ADCY1: variants seen among roughly 807,000 people sequenced by gnomAD.
ADCY1 encodes the protein adenylate cyclase 1.
In ADCY1, 28 loss-of-function variants were observed where a neutral mutation model predicts 105.4. The ratio of observed to expected loss-of-function variants is 0.27; its 90% CI spans 0.20 to 0.36. The LOEUF is 0.36. Among genes scored for constraint, ADCY1 ranks in the 10% least tolerant of loss-of-function variants. ADCY1 has a pLI of 1.00. For synonymous variants in ADCY1, 655 were observed against 623.8 expected, an observed-to-expected ratio of 1.05 and a Z score of -0.75; for missense variants, 977 against 1,434.2, an observed-to-expected ratio of 0.68 and a Z score of 5.15.
intron 14 of ADCY1, among the ~76,000 whole-genome samples, chr7:45,702,018 AC>A (rs1304351376): frequency 1.3e-5 from 2 of 152,302 alleles, no homozygotes; most frequent in South Asian, 4.1e-4. Flanking sequence ...ACACACTTGC[AC>A]CAGGCCTGCC....
In ADCY1 at chr7:45,716,950, A is replaced by G. The variant is rs1365337597; in HGVS notation, c.*2955A>G. On this transcript the variant is annotated 3_prime_UTR_variant, in exon 20 of 20. Coordinates refer to ENST00000297323, the MANE Select transcript of ADCY1 (RefSeq NM_021116.4). ...TCCACAACCCCAGCGCCAGTCAGCA[A>G]GGAAGCCGGGTGTCGCTCACACAAC... is the stretch of plus-strand genomic sequence containing the variant. 1 of 152,514 alleles carries G rather than the reference A, an allele frequency of 6.6e-6. No individual in the cohort carries two copies. The highest frequency in any genetic ancestry group is 1.5e-5 in the Non-Finnish European group (1 of 68,248). The allele number at this position is 152,514 out of a possible 1,614,324, so 9.4% of individuals were successfully genotyped here. A position where few individuals can be genotyped will look rare whatever the true frequency, so the allele number is the denominator to read the frequency against.
intron 3 of ADCY1, among the ~76,000 whole-genome samples, chr7:45,610,864 A>AGG (rs1793550218): frequency 5.3e-5 from 5 of 95,150 alleles, no homozygotes; most frequent in Admixed American, 1.0e-4. Context: ...AGTTGTGGAG[A>AGG]TGATGGTGGA....
At chr7:45,641,788 C>T (rs994724370) in intron 4 of ADCY1, among the ~76,000 whole-genome samples, 3 of 143,612 alleles carry the variant, frequency 2.1e-5, no homozygotes, top group East Asian at 2.1e-4. Flanking sequence ...TAGCCAGGCG[C>T]GGTGGCGGGC....
chr7:45,711,923 A>ATATTATATTAAATATATAAATATATT (rs1785253821), intron 19 of ADCY1, among the ~76,000 whole-genome samples: 1 of 122,470 alleles, frequency 8.2e-6, no homozygotes, highest in Non-Finnish European at 1.6e-5. Flanking sequence ...AATATATTAT[A>ATATTATATTAAATATATAAATATATT]TATTATATTA....
chr7:45,616,809 G>T (rs1386581325), intron 3 of ADCY1, among the ~76,000 whole-genome samples: 1 of 152,170 alleles, frequency 6.6e-6, no homozygotes, highest in East Asian at 1.9e-4. Flanking sequence ...TGGAAGTCCT[G>T]CCCAGAGCAA....
intron 14 of ADCY1, among the ~76,000 whole-genome samples, chr7:45,697,495 A>T (rs757943181): frequency 1.4e-4 from 20 of 145,096 alleles, no homozygotes; most frequent in Middle Eastern, 8.3e-3. Context: ...GGTTCAAGTG[A>T]TTCTCCTGCC....
intron 1 of ADCY1, among the ~76,000 whole-genome samples, chr7:45,580,415 C>G (rs1035481160): frequency 2.6e-5 from 4 of 152,218 alleles, no homozygotes; most frequent in Admixed American, 6.5e-5. Context: ...CCTCTCTGCT[C>G]TGGTTCCCAT....
At position 45,713,874 on chromosome 7, in the gene ADCY1, C is replaced by G; in HGVS notation, c.3239C>G (p.Ala1080Gly). Residue 1080 changes from alanine to glycine, a missense_variant, in exon 20 of 20, where the codon GCT (alanine) becomes GGT (glycine). Around this residue, in one of 7 missense-constraint regions of ADCY1, gnomAD observed 78 missense variants for 60.0 expected, o/e 1.30. Transcript: ENST00000297323. Reference protein sequence around the residue: ...LDRKMCPFGRAGLQGRRPPVC... With the variant: ...LDRKMCPFGRGGLQGRRPPVC... ...CGGAAAATGTGTCCATTTGGGAGAGCTGGCCTTCAGGGCAGACGTCCCCCC... is the reference window on the plus strand; with the variant it reads ...CGGAAAATGTGTCCATTTGGGAGAGGTGGCCTTCAGGGCAGACGTCCCCCC... The G allele has an allele frequency of 1.3e-6, 1 of 780,808 alleles. No individual in the cohort carries two copies. The allele number at this position is 780,808 out of a possible 1,614,324, so 48.4% of individuals were successfully genotyped here. A position where few individuals can be genotyped will look rare whatever the true frequency, so the allele number is the denominator to read the frequency against.
intron 1 of ADCY1, among the ~76,000 whole-genome samples, chr7:45,576,077 G>A (rs113821653): frequency 3.3e-5 from 5 of 152,202 alleles, no homozygotes; most frequent in African/African-American, 1.2e-4. Flanking sequence ...GGAAGACCCT[G>A]AGGAGGGTTT....
intron 2 of ADCY1, among the ~76,000 whole-genome samples, chr7:45,593,225 C>T (rs575504223): frequency 6.6e-6 from 1 of 152,304 alleles, no homozygotes; most frequent in African/African-American, 2.4e-5. Flanking sequence ...CCTGGCTGGG[C>T]CTCGGATGAA....
rs548725575 is a variant in ADCY1 at position 45,673,012 on chromosome 7, C to CATGA, written c.1606-4853_1606-4850dup. Among the ~76,000 whole-genome samples, 396 of 152,258 alleles carry CATGA rather than the reference C, an allele frequency of 2.6e-3. 4 individuals carry two copies. The highest frequency in any genetic ancestry group is 8.7e-3 in the African/African-American group (361 of 41,566). ...TTCCTAGTTTTCTGATAATTTTTAT[C>CATGA]ATGAATGGGTATTGAATTTTGTCAA... On this transcript the variant is annotated intron_variant, in intron 8 of 19. Coordinates refer to ENST00000297323, the MANE Select transcript of ADCY1 (RefSeq NM_021116.4).
chr7:45,704,584 G>T lies in ADCY1; in HGVS notation c.2785G>T (p.Ala929Ser), dbSNP rs1218127395. The T allele has an allele frequency of 6.2e-7, 1 of 1,614,184 alleles. No individual in the cohort carries two copies. Among genetic ancestry groups the T allele is most frequent in the Non-Finnish European group, 8.5e-7 (1 of 1,180,018 alleles). The change falls in exon 17 of 20, where the codon GCT becomes TCT. Residue 929 changes from alanine to serine, a missense_variant. Coordinates refer to ENST00000297323, the MANE Select transcript of ADCY1 (RefSeq NM_021116.4). The stretch of plus-strand genomic sequence containing the variant: ...GACCATCGGGAGCACCTACATGGCC[G>T]CTGTGGGGCTAGCGCCCACCTCGGG... ...IKTIGSTYMA[A>S]VGLAPTSGTK... is the part of the protein sequence containing the mutation.
chr7:45,610,634 ATGGTGAAGG>A, intron 3 of ADCY1, 137 bp downstream of exon 3: 1 of 706,148 alleles, frequency 1.4e-6, no homozygotes, highest in Non-Finnish European at 2.4e-6. Context: ...TGTGGAGGTA[ATGGTGAAGG>A]TGGGGAAGTG....
At chr7:45,634,042 GTGTTT>G (rs1480064285) in intron 4 of ADCY1, among the ~76,000 whole-genome samples, 1 of 152,092 alleles carries the variant, frequency 6.6e-6, no homozygotes, top group Admixed American at 6.5e-5. Context: ...CTCCTAACCT[GTGTTT>G]TGTTCAAGGG....
intron 2 of ADCY1, among the ~76,000 whole-genome samples, chr7:45,609,033 C>T (rs772703411): frequency 4.6e-5 from 7 of 152,216 alleles, no homozygotes; most frequent in Non-Finnish European, 1.0e-4. Flanking sequence ...CCAGGGGAAA[C>T]TTCAAGTGTG....
intron 19 of ADCY1, among the ~76,000 whole-genome samples, chr7:45,711,609 A>ATATATATG (rs1785231864): frequency 1.1e-4 from 1 of 8,952 alleles, no homozygotes; most frequent in African/African-American, 2.8e-4. Context: ...TTCGTGCTGT[A>ATATATATG]TATATATATA....
chr7:45,635,615 T>G (rs1482835288), intron 4 of ADCY1, among the ~76,000 whole-genome samples: 3 of 141,622 alleles, frequency 2.1e-5, no homozygotes, highest in Non-Finnish European at 3.2e-5. Flanking sequence ...TTTTTTTTTT[T>G]TTTTTTTTTT....
chr7:45,580,473 C>G (rs908161466), intron 1 of ADCY1, among the ~76,000 whole-genome samples: 1 of 152,158 alleles, frequency 6.6e-6, no homozygotes, highest in African/African-American at 2.4e-5. Context: ...GCTGGGGTAC[C>G]GGGAGAATAA....
In ADCY1 at chr7:45,577,530, C is replaced by G. The variant is rs867365107; in HGVS notation, c.639+2348C>G. Reference sequence around the variant, plus strand: ...TTACACAGCATTGATGTTTCTGCTGCTCTTCACTGCTTTACCATCCACTTT... The same window carrying G: ...TTACACAGCATTGATGTTTCTGCTGGTCTTCACTGCTTTACCATCCACTTT... On this transcript the variant is annotated intron_variant, in intron 1 of 19. Coordinates refer to ENST00000297323, the MANE Select transcript of ADCY1 (RefSeq NM_021116.4). Among the ~76,000 whole-genome samples the G allele has an allele frequency of 3.9e-5, 6 of 152,360 alleles. No homozygotes were observed. The South Asian group carries it at 1.2e-3, about 32-fold the overall frequency.
Sources: allele counts gnomAD v4.1 joint callset (sites outside exome capture counted in the v4.1 genomes callset), GRCh38; gene constraint gnomAD v4.1.1; regional missense constraint gnomAD v4.1.1; transcripts MANE v1.5; gene names NCBI Gene and HGNC (gene_info 2026-07-23, HGNC 2026-07-21).